Variants in P2RY12 observed in about 807,000 individuals in gnomAD.
P2RY12 encodes the protein P2Y purinoceptor 12.
A neutral mutation model predicts 4.5 loss-of-function variants in P2RY12; 3 were observed. The ratio of observed to expected loss-of-function variants is 0.67; its 90% confidence interval spans 0.31 to 1.74. The LOEUF (loss-of-function observed/expected upper bound fraction) is 1.74. Ranked by LOEUF, P2RY12 falls within the 40% of genes most tolerant of loss-of-function variation. The pLI is 0.09. For synonymous variants in P2RY12, 148 were observed against 154.1 expected (o/e 0.96, Z 0.29); for missense variants, 356 against 407.8 (o/e 0.87, Z 1.09).
At chr3:151,346,161 T>C (rs922393670) in intron 1 of P2RY12, among the ~76,000 whole-genome samples, 1 of 152,178 alleles carries the variant, frequency 6.6e-6, no homozygotes, top group African/African-American at 2.4e-5. Context: ...AAAATGTCTT[T>C]TTATTTTCAC....
intron 1 of P2RY12, among the ~76,000 whole-genome samples, chr3:151,367,954 G>T (rs6782457): frequency 0.075 from 11,351 of 152,068 alleles, 1,453 homozygotes; most frequent in African/African-American, 0.26. Context: ...CCGTGAAAAA[G>T]GTGGGAAACT....
chr3:151,376,969 G>A (rs767433914), intron 1 of P2RY12: 3 of 1,612,374 alleles, frequency 1.9e-6, no homozygotes, highest in East Asian at 2.2e-5. Context: ...ATATGTGCCA[G>A]TATTCTTATA....
intron 1 of P2RY12, among the ~76,000 whole-genome samples, chr3:151,344,355 T>C (rs1752273717): frequency 6.6e-6 from 1 of 152,032 alleles, no homozygotes; most frequent in South Asian, 2.1e-4. Flanking sequence ...TCCTCATCCA[T>C]GTGCACACCC....
rs192428228 is a variant in P2RY12, at chr3:151,352,946, A to T, written c.-179-12186T>A. The stretch of plus-strand genomic sequence containing the variant: ...ATAAGAAAGATGAGGAAAAATATAT[A>T]TTGACTATAATGTTACTCATGTAAA... On this transcript the variant is annotated intron_variant, in intron 1 of 2. Coordinates refer to ENST00000302632, the MANE Select transcript of P2RY12 (RefSeq NM_022788.5). Among the ~76,000 whole-genome samples the T allele has an allele frequency of 3.6e-4, 55 of 152,338 alleles. No individual in the cohort carries two copies. The East Asian group carries it at 0.01, about 28-fold the overall frequency.
intron 1 of P2RY12, among the ~76,000 whole-genome samples, chr3:151,342,922 G>T (rs529099606): frequency 6.6e-6 from 1 of 152,114 alleles, no homozygotes; most frequent in African/African-American, 2.4e-5. Flanking sequence ...TGAAGTACGC[G>T]TATCATCCTC....
chr3:151,377,469 C>T (rs6795716), intron 1 of P2RY12, among the ~76,000 whole-genome samples: 7,620 of 152,200 alleles, frequency 0.05, 651 homozygotes, highest in African/African-American at 0.18. Flanking sequence ...ATATGGGAAA[C>T]GCTTTTTCCA....
rs537432613 is a variant in P2RY12 at position 151,352,972 on chromosome 3, TATC to T, written c.-179-12215_-179-12213del. 3.9e-5 allele frequency among the ~76,000 whole-genome samples: 6 copies of T among 152,308 alleles called. No homozygotes were observed. In the South Asian group the frequency reaches 1.0e-3, roughly 26 times the overall value. ...TTGACTATAATGTTACTCATGTAAA[TATC>T]ATTAAAATAAAGTATTTCGTTGAGA... On this transcript the variant is annotated intron_variant, in intron 1 of 2. Coordinates refer to ENST00000302632, the MANE Select transcript of P2RY12 (RefSeq NM_022788.5).
intron 1 of P2RY12, among the ~76,000 whole-genome samples, chr3:151,345,368 A>G (rs114983855): frequency 0.019 from 2,899 of 152,254 alleles, 122 homozygotes; most frequent in African/African-American, 0.066. Flanking sequence ...ACAACTGTGC[A>G]ACTTGAGGGC....
intron 1 of P2RY12, among the ~76,000 whole-genome samples, chr3:151,363,929 G>C (rs950642141): frequency 1.3e-5 from 2 of 152,072 alleles, no homozygotes; most frequent in African/African-American, 2.4e-5. Flanking sequence ...TTAGAATAGA[G>C]AGTCTTTGTG....
chr3:151,338,207 T>C lies in P2RY12; in HGVS notation c.639A>G (p.Thr213=), dbSNP rs1751290430. 6.2e-7 allele frequency: 1 copy of C among 1,614,022 alleles called. No individual in the cohort carries two copies. The highest frequency in any genetic ancestry group is 1.3e-5 in the African/African-American group (1 of 74,932). ...TTACGTATGACCGGTACAGTTCTTT[T>C]GTAATGAGTGTATAACATACAATAA... ...LIVIVCYTLI[T]KELYRSYVRT... Residue 213 remains threonine, a synonymous_variant, in exon 3 of 3, where the codon ACA becomes ACG. Transcript: ENST00000302632.
At chr3:151,366,276 G>T (rs1755257312) in intron 1 of P2RY12, among the ~76,000 whole-genome samples, 1 of 152,124 alleles carries the variant, frequency 6.6e-6, no homozygotes, top group Non-Finnish European at 1.5e-5. Context: ...CCATATGGAT[G>T]GTCTCTTCAG....
chr3:151,351,948 G>A (rs1349552225), intron 1 of P2RY12, among the ~76,000 whole-genome samples: 1 of 152,178 alleles, frequency 6.6e-6, no homozygotes, highest in African/African-American at 2.4e-5. Flanking sequence ...AAACATTGTT[G>A]TTCTGTGCTG....
chr3:151,368,350 T>C, intron 1 of P2RY12: 1 of 1,037,422 alleles, frequency 9.6e-7, no homozygotes, highest in Non-Finnish European at 1.5e-6. Flanking sequence ...GCCTTCTTAA[T>C]TTTTTGGGCA....
At chr3:151,380,982 A>T (rs889187295) in intron 1 of P2RY12, among the ~76,000 whole-genome samples, 1 of 152,226 alleles carries the variant, frequency 6.6e-6, no homozygotes, top group African/African-American at 2.4e-5. Flanking sequence ...ATAAATCAGA[A>T]GGCATGTTGG....
intron 1 of P2RY12, chr3:151,372,657 A>G: frequency 6.2e-7 from 1 of 1,613,886 alleles, no homozygotes; most frequent in Non-Finnish European, 8.5e-7. Flanking sequence ...AATGCTGATG[A>G]TATCTGGACT....
chr3:151,360,209 C>T (rs775636546), intron 1 of P2RY12, among the ~76,000 whole-genome samples: 3 of 152,128 alleles, frequency 2.0e-5, no homozygotes, highest in Admixed American at 6.5e-5. Flanking sequence ...TTCCTCCATA[C>T]GTACCTTCTT....
At chr3:151,367,736 C>T (rs761144970) in intron 1 of P2RY12, 42 of 1,611,020 alleles carry the variant, frequency 2.6e-5, no homozygotes, top group Non-Finnish European at 8.5e-7. Context: ...CGTCGTGCAG[C>T]ATGTCGCACT....
At position 151,368,339 on chromosome 3, in the gene P2RY12, T is replaced by A. The variant is rs561271493; in HGVS notation, c.-180+16353A>T. 91 of 1,173,422 alleles carry A rather than the reference T, an allele frequency of 7.8e-5. No individual in the cohort carries two copies. In the African/African-American group the frequency reaches 1.2e-3, roughly 16 times the overall value. The allele number at this position is 1,173,422 out of a possible 1,614,324, so 72.7% of individuals were successfully genotyped here. ...CAAATAGGCTGTCCCTTTCTGTAAT[T>A]GCCTTCTTAATTTTTTGGGCATGCC... On this transcript the variant is annotated intron_variant, in intron 1 of 2. Transcript: ENST00000302632.
intron 1 of P2RY12, among the ~76,000 whole-genome samples, chr3:151,342,446 C>T (rs920618707): frequency 6.6e-6 from 1 of 152,194 alleles, no homozygotes; most frequent in Non-Finnish European, 1.5e-5. Flanking sequence ...TGCAGAGCAG[C>T]AGCTCTGCAT....
Sources: gnomAD v4.1 joint callset for allele counts (sites outside exome capture counted in the v4.1 genomes callset) on GRCh38, gnomAD v4.1.1 for gene constraint, MANE v1.5 for transcripts, NCBI Gene and HGNC (gene_info 2026-07-23, HGNC 2026-07-21) for gene names.